RTTN: variants seen among roughly 807,000 people sequenced by gnomAD.
RTTN encodes the protein rotatin.
A neutral mutation model predicts 269.2 loss-of-function variants in RTTN; 182 were observed. The observed-to-expected ratio is 0.68, with a 90% CI of 0.60 to 0.76. The LOEUF (loss-of-function observed/expected upper bound fraction) is 0.76, where lower values mean the gene tolerates loss of function less well. Among genes scored for constraint, RTTN ranks in the 30% least tolerant of loss-of-function variants. The pLI, the probability that RTTN is intolerant of heterozygous loss-of-function variation, is 0.00. For synonymous variants in RTTN, 1,006 were observed against 963.5 expected (o/e 1.04, Z -0.82); for missense variants, 2,545 against 2,608.6 (o/e 0.98, Z 0.53).
chr18:70,105,856 CA>C (rs1356691075), intron 28 of RTTN, among the ~76,000 whole-genome samples: 1 of 151,774 alleles, frequency 6.6e-6, no homozygotes, highest in African/African-American at 2.4e-5. Context: ...GCTACATTTC[CA>C]AAATGTTTTT....
intron 40 of RTTN, among the ~76,000 whole-genome samples, chr18:70,035,616 A>C (rs928020197): frequency 2.0e-5 from 3 of 152,236 alleles, no homozygotes; most frequent in African/African-American, 7.2e-5. Context: ...CTGGAAGACA[A>C]CCTAGGCAAT....
At chr18:70,120,401 T>C (rs979081921) in intron 26 of RTTN, among the ~76,000 whole-genome samples, 1 of 152,186 alleles carries the variant, frequency 6.6e-6, no homozygotes, top group African/African-American at 2.4e-5. Context: ...AAATAAGTTT[T>C]ATATACACAC....
At chr18:70,186,762 T>G (rs2061556030) in intron 10 of RTTN, among the ~76,000 whole-genome samples, 1 of 152,076 alleles carries the variant, frequency 6.6e-6, no homozygotes, top group South Asian at 2.1e-4. Context: ...TGCAAACTAA[T>G]CCAGAAACAG....
intron 45 of RTTN, among the ~76,000 whole-genome samples, 198 bp from the exon 46 acceptor site, chr18:70,017,872 G>A (rs1223751907): frequency 6.6e-6 from 1 of 152,114 alleles, no homozygotes; most frequent in South Asian, 2.1e-4. Context: ...TAGTGCTCAA[G>A]TTTTAATTCC....
intron 28 of RTTN, among the ~76,000 whole-genome samples, chr18:70,097,743 T>C (rs1277947519): frequency 2.0e-5 from 3 of 152,244 alleles, no homozygotes; most frequent in East Asian, 1.9e-4. Flanking sequence ...GAACACAGAA[T>C]GGACTACTGC....
intron 14 of RTTN, among the ~76,000 whole-genome samples, chr18:70,162,664 C>T (rs1441997862): frequency 2.6e-5 from 4 of 152,008 alleles, no homozygotes; most frequent in East Asian, 1.9e-4. Flanking sequence ...CCCACTGGGT[C>T]CCTCCCACGA....
intron 46 of RTTN, among the ~76,000 whole-genome samples, 167 bp downstream of exon 46, chr18:70,017,240 C>T (rs774892579): frequency 5.3e-5 from 8 of 152,164 alleles, no homozygotes; most frequent in Admixed American, 1.3e-4. Context: ...TGGAAGCCCA[C>T]GGAAGGCTGA....
At chr18:70,176,602 A>G (rs1451862374) in intron 11 of RTTN, 73 bp downstream of exon 11, 40 of 1,364,992 alleles carry the variant, frequency 2.9e-5, no homozygotes, top group Non-Finnish European at 3.8e-5. Flanking sequence ...TGAAAAGAGC[A>G]GAAGAAATTT....
intron 5 of RTTN, 112 bp downstream of exon 5, chr18:70,199,302 A>T: frequency 3.2e-6 from 2 of 619,270 alleles, no homozygotes; most frequent in Non-Finnish European, 5.5e-6. Flanking sequence ...TATGACCATT[A>T]CTACCTTTCA....
intron 7 of RTTN, chr18:70,194,552 C>A (rs989676995): frequency 5.3e-5 from 8 of 152,200 alleles, no homozygotes; most frequent in Non-Finnish European, 1.2e-4. Context: ...TGGGTACAAC[C>A]CACATGTCCA....
chr18:70,037,370 C>T (rs1373512690), intron 40 of RTTN, among the ~76,000 whole-genome samples: 1 of 152,172 alleles, frequency 6.6e-6, no homozygotes, highest in Non-Finnish European at 1.5e-5. Flanking sequence ...GTGACTCCTT[C>T]CTTCTACTTG....
rs1233450922 is a variant in RTTN, at chr18:70,109,638, G to A, written c.3763C>T (p.Pro1255Ser). The A allele has an allele frequency of 6.2e-7, 1 of 1,613,984 alleles. No individual in the cohort carries two copies. The highest frequency in any genetic ancestry group is 1.3e-5 in the African/African-American group (1 of 74,878). ...LLQCLKVTDA[P>S]HFYGLPSLER... The stretch of plus-strand genomic sequence containing the variant: ...AGGGACGGCAGGCCATAGAAATGAG[G>A]CGCATCCGTCACTTTCAGACACTGG... The change falls in exon 28 of 49, where the codon CCT (proline) becomes TCT (serine). Residue 1255 changes from proline to serine, a missense_variant. Transcript: ENST00000640769.
intron 10 of RTTN, among the ~76,000 whole-genome samples, chr18:70,177,696 A>G (rs2061335646): frequency 1.3e-5 from 2 of 152,310 alleles, no homozygotes; most frequent in Admixed American, 1.3e-4. Flanking sequence ...CCTGCAAACT[A>G]AGAACAAAAA....
chr18:70,054,333 C>A (rs750989553), intron 37 of RTTN, 49 bp from the exon 38 acceptor site: 2 of 1,523,228 alleles, frequency 1.3e-6, no homozygotes, highest in East Asian at 2.3e-5. Flanking sequence ...TATAAAAAGC[C>A]CATCTCAGTG....
chr18:70,129,076 T>A (rs1046501803), intron 23 of RTTN: 1 of 152,104 alleles, frequency 6.6e-6, no homozygotes, highest in East Asian at 1.9e-4. Flanking sequence ...GGTTTCATCA[T>A]CAATAAATTC....
At chr18:70,015,579 G>C (rs2056516383) in intron 46 of RTTN, among the ~76,000 whole-genome samples, 1 of 152,116 alleles carries the variant, frequency 6.6e-6, no homozygotes, top group African/African-American at 2.4e-5. Flanking sequence ...CTGCACAGCT[G>C]ATGTCTCTTA....
chr18:70,119,416 C>T (rs1479224033), intron 26 of RTTN, among the ~76,000 whole-genome samples: 4 of 150,604 alleles, frequency 2.7e-5, no homozygotes, highest in African/African-American at 4.9e-5. Context: ...AATGAAATCA[C>T]GCTCCAAGGA....
chr18:70,011,470 CAG>C (rs1255201277), intron 46 of RTTN, among the ~76,000 whole-genome samples: 4 of 152,320 alleles, frequency 2.6e-5, no homozygotes, highest in African/African-American at 7.2e-5. Context: ...ATCACATAAA[CAG>C]AGCCAACGAC....
chr18:70,073,543 G>A (rs1044019442), intron 34 of RTTN, among the ~76,000 whole-genome samples: 2 of 151,934 alleles, frequency 1.3e-5, no homozygotes, highest in African/African-American at 4.8e-5. Context: ...TCACACTTTC[G>A]TACTATCAAA....
Sources: allele counts gnomAD v4.1 joint callset (sites outside exome capture counted in the v4.1 genomes callset), GRCh38; gene constraint gnomAD v4.1.1; transcripts MANE v1.5; gene names NCBI Gene and HGNC (gene_info 2026-07-23, HGNC 2026-07-21).